The following ACKR2 variants were observed in gnomAD, a reference collection of about 807,000 sequenced individuals.
ACKR2 encodes C-C chemokine receptor D6.
For missense variants in ACKR2, 457 were observed against 477.3 expected, an observed-to-expected ratio of 0.96 and a Z score of 0.40; for synonymous variants, 207 against 192.2, an observed-to-expected ratio of 1.08 and a Z score of -0.64.
At chr3:42,811,223 G>C (rs972576565) in intron 1 of ACKR2, among the ~76,000 whole-genome samples, 10 of 152,172 alleles carry the variant, frequency 6.6e-5, no homozygotes, top group Non-Finnish European at 1.5e-4. Context: ...CTGTTACTGT[G>C]TCTATGTAGA....
intron 2 of ACKR2, among the ~76,000 whole-genome samples, chr3:42,848,213 ATTT>A (rs36054454): frequency 2.7e-5 from 2 of 74,908 alleles, no homozygotes; most frequent in African/African-American, 9.2e-5. Flanking sequence ...AAAAAAAAAA[ATTT>A]TTTTTTTTTT....
At chr3:42,817,470 C>T (rs1276524552) in intron 1 of ACKR2, among the ~76,000 whole-genome samples, 1 of 152,088 alleles carries the variant, frequency 6.6e-6, no homozygotes, top group Non-Finnish European at 1.5e-5. Flanking sequence ...GGGTACCCTC[C>T]TCCCACTGAA....
intron 2 of ACKR2, among the ~76,000 whole-genome samples, chr3:42,849,919 T>A (rs1246278487): frequency 6.6e-6 from 1 of 152,220 alleles, no homozygotes; most frequent in Non-Finnish European, 1.5e-5. Flanking sequence ...AATATATGTT[T>A]AGCCTTAGGC....
At chr3:42,830,667 G>A (rs1700923083) in intron 2 of ACKR2, among the ~76,000 whole-genome samples, 1 of 151,336 alleles carries the variant, frequency 6.6e-6, no homozygotes, top group African/African-American at 2.4e-5. Flanking sequence ...GTGATGAGGT[G>A]TAAGTTCTGC....
intron 2 of ACKR2, among the ~76,000 whole-genome samples, chr3:42,853,110 T>A (rs1469013621): frequency 6.6e-6 from 1 of 152,166 alleles, no homozygotes; most frequent in Non-Finnish European, 1.5e-5. Flanking sequence ...TTATCTTCAT[T>A]GTGTTTTATA....
At chr3:42,817,427 C>A (rs1260412799) in intron 1 of ACKR2, among the ~76,000 whole-genome samples, 1 of 152,136 alleles carries the variant, frequency 6.6e-6, no homozygotes, top group Admixed American at 6.5e-5. Context: ...TCTTACCCTA[C>A]CTGCGTCTCC....
intron 2 of ACKR2, among the ~76,000 whole-genome samples, chr3:42,833,993 G>A (rs774932570): frequency 4.0e-5 from 6 of 151,736 alleles, no homozygotes; most frequent in African/African-American, 1.5e-4. Flanking sequence ...ACAGAGTTTC[G>A]CTCTTGTTGC....
chr3:42,851,227 G>T (rs760068285), intron 2 of ACKR2: 4 of 304,304 alleles, frequency 1.3e-5, no homozygotes, highest in Non-Finnish European at 1.9e-5. Context: ...ATCAATGAGA[G>T]AAATAGCTCA....
chr3:42,841,598 A>G (rs1701040060), intron 2 of ACKR2: 1 of 152,204 alleles, frequency 6.6e-6, no homozygotes, highest in Non-Finnish European at 1.5e-5. Flanking sequence ...GTGTTTGTTA[A>G]ACAAGGCAAG....
chr3:42,831,059 G>GA (rs1467486784), intron 2 of ACKR2, among the ~76,000 whole-genome samples: 1 of 152,008 alleles, frequency 6.6e-6, no homozygotes, highest in Non-Finnish European at 1.5e-5. Flanking sequence ...GAGAAGAAAA[G>GA]AAAAAGAAAA....
intron 1 of ACKR2, among the ~76,000 whole-genome samples, chr3:42,812,618 T>C (rs952394268): frequency 6.6e-6 from 1 of 151,858 alleles, no homozygotes; most frequent in Non-Finnish European, 1.5e-5. Context: ...ATCAGACCTC[T>C]TAGTATTCCA....
At chr3:42,820,713 C>G (rs1181753710) in intron 2 of ACKR2, among the ~76,000 whole-genome samples, 2 of 130,924 alleles carry the variant, frequency 1.5e-5, no homozygotes, top group African/African-American at 5.8e-5. Flanking sequence ...ATTATGAGCA[C>G]TAAAATAACA....
At chr3:42,820,471 T>C (rs964756628) in intron 2 of ACKR2, among the ~76,000 whole-genome samples, 13 of 151,430 alleles carry the variant, frequency 8.6e-5, no homozygotes, top group African/African-American at 2.9e-4. Flanking sequence ...TGGGCGCCTG[T>C]AGTCCCAGCT....
At chr3:42,838,354 C>T (rs1429651042) in intron 2 of ACKR2, among the ~76,000 whole-genome samples, 1 of 152,076 alleles carries the variant, frequency 6.6e-6, no homozygotes, top group African/African-American at 2.4e-5. Context: ...TAAGAAAACA[C>T]ACAGCCCAAT....
chr3:42,839,795 C>T (rs1701018703), intron 2 of ACKR2, among the ~76,000 whole-genome samples: 1 of 152,194 alleles, frequency 6.6e-6, no homozygotes, highest in Non-Finnish European at 1.5e-5. Context: ...AGTTCTGACT[C>T]TGCCCTGTTG....
intron 2 of ACKR2, among the ~76,000 whole-genome samples, chr3:42,828,092 A>ATATATATTT (rs1193533555): frequency 0.029 from 3,582 of 121,610 alleles, 73 homozygotes; most frequent in Non-Finnish European, 0.047. Flanking sequence ...ATATATATAT[A>ATATATATTT]TTTTTTTTTT....
At position 42,865,799 on chromosome 3, in the gene ACKR2, G is replaced by A; in HGVS notation, c.*142G>A. The A allele has an allele frequency of 1.6e-6, 1 of 637,992 alleles. No homozygotes were observed. The highest frequency in any genetic ancestry group is 2.7e-6 in the Non-Finnish European group (1 of 372,490). 39.5% of individuals were successfully genotyped at this position (637,992 alleles called of 1,614,324 possible). A position where few individuals can be genotyped will look rare whatever the true frequency, so the allele number is the denominator to read the frequency against. On this transcript the variant is annotated 3_prime_UTR_variant, in exon 3 of 3. Transcript: ENST00000422265. ...CAGTTCTCAGCCATCAGCAGCATTT[G>A]CTCGCCCCGCCTTCTTCCTCCACTT...
intron 2 of ACKR2, among the ~76,000 whole-genome samples, chr3:42,822,199 A>C (rs373936461): frequency 5.9e-5 from 8 of 134,950 alleles, no homozygotes; most frequent in African/African-American, 2.3e-4. Flanking sequence ...AATAAATAAA[A>C]TATGGAAAGA....
chr3:42,831,030 CAAAA>C (rs201837698), intron 2 of ACKR2, among the ~76,000 whole-genome samples: 1 of 146,174 alleles, frequency 6.8e-6, no homozygotes, highest in Non-Finnish European at 1.5e-5. Context: ...AAACTTCAGG[CAAAA>C]AAAATAAAAA....
Sources: gnomAD v4.1 joint callset for allele counts (sites outside exome capture counted in the v4.1 genomes callset) on GRCh38, gnomAD v4.1.1 for gene constraint, MANE v1.5 for transcripts, NCBI Gene and HGNC (gene_info 2026-07-23, HGNC 2026-07-21) for gene names.